The following ZMYND11 variants were observed in gnomAD, a reference collection of about 807,000 sequenced individuals.
ZMYND11 encodes zinc finger MYND domain-containing protein 11.
A neutral mutation model predicts 84.9 loss-of-function variants in ZMYND11; 9 were observed. That is an observed-to-expected ratio of 0.11 (90% CI 0.06 to 0.18). The LOEUF is 0.18. Among genes scored for constraint, ZMYND11 ranks in the 10% least tolerant of loss-of-function variants. The pLI, the probability that ZMYND11 is intolerant of heterozygous loss-of-function variation, is 1.00. For synonymous variants in ZMYND11, 250 were observed against 244.1 expected (o/e 1.02, Z -0.23); for missense variants, 409 against 761.0 (o/e 0.54, Z 5.44).
chr10:191,743 T>C, intron 2 of ZMYND11, among the ~76,000 whole-genome samples: 1 of 152,252 alleles, frequency 6.6e-6, no homozygotes, highest in East Asian at 1.9e-4. Flanking sequence ...GTAATTTCTC[T>C]ACCCGAATTC....
intron 2 of ZMYND11, among the ~76,000 whole-genome samples, chr10:184,506 C>T (rs1404414392): frequency 6.6e-6 from 1 of 152,060 alleles, no homozygotes; most frequent in Admixed American, 6.5e-5. Flanking sequence ...GACTTCATTT[C>T]TGAAGTGATT....
In ZMYND11 at chr10:142,301, C is replaced by A. The variant is rs112532225; in HGVS notation, c.-20+6742C>A. Among the ~76,000 whole-genome samples the A allele has an allele frequency of 1.3e-3, 191 of 152,264 alleles. 1 individual carries two copies. Among genetic ancestry groups the A allele is most frequent in the African/African-American group, 4.5e-3 (185 of 41,548 alleles). On this transcript the variant is annotated intron_variant, in intron 1 of 14. Coordinates refer to ENST00000381604, the MANE Select transcript of ZMYND11 (RefSeq NM_001370100.5). ...AGTGATGGGGTTTCACCATGTTACC[C>A]ACGCTGGTCCCAAACTCCTGAGCTC...
intron 4 of ZMYND11, among the ~76,000 whole-genome samples, chr10:221,895 A>G (rs1198653449): frequency 6.6e-6 from 1 of 152,150 alleles, no homozygotes; most frequent in African/African-American, 2.4e-5. Flanking sequence ...TTTTTAAAGT[A>G]AAATGAAATT....
At chr10:134,623 A>G (rs1245039766), upstream of ZMYND11, 1 of 152,152 alleles carries the variant, frequency 6.6e-6, no homozygotes, top group Non-Finnish European at 1.5e-5. Context: ...TACCTAAACA[A>G]TGTTGTTAAG....
Position 170,870 on chromosome 10 carries a change from A to G in ZMYND11, c.-19-9124A>G, listed in dbSNP as rs567592332. ...TTAATAATCACTTGAAATATGGCCT[A>G]AACACAGCCATTAAAAGACAGAGAT... On this transcript the variant is annotated intron_variant, in intron 1 of 14. Coordinates refer to ENST00000381604, the MANE Select transcript of ZMYND11 (RefSeq NM_001370100.5). Among the ~76,000 whole-genome samples, 4 of 152,248 alleles carry G rather than the reference A, an allele frequency of 2.6e-5. No homozygotes were observed. In the East Asian group the frequency reaches 5.8e-4, roughly 22 times the overall value.
At chr10:166,049 C>A (rs564672446) in intron 1 of ZMYND11, among the ~76,000 whole-genome samples, 2 of 152,144 alleles carry the variant, frequency 1.3e-5, no homozygotes, top group African/African-American at 4.8e-5. Context: ...AACTTGATTT[C>A]CACATGTACA....
At chr10:250,864 A>T (rs981272403) in intron 14 of ZMYND11, among the ~76,000 whole-genome samples, 4 of 152,120 alleles carry the variant, frequency 2.6e-5, no homozygotes, top group African/African-American at 7.2e-5. Flanking sequence ...CTCTACAAAA[A>T]ATACAAAAAT....
At chr10:241,099 T>C (rs1262587768) in intron 9 of ZMYND11, 129 bp downstream of exon 9, 1 of 605,654 alleles carries the variant, frequency 1.7e-6, no homozygotes, top group African/African-American at 1.9e-5. Context: ...TTAATGAGTA[T>C]AAACAACTGA....
chr10:166,736 C>T (rs1354740431), intron 1 of ZMYND11, among the ~76,000 whole-genome samples: 1 of 152,074 alleles, frequency 6.6e-6, no homozygotes, highest in Non-Finnish European at 1.5e-5. Context: ...GGCAATTCCA[C>T]TTCTGGGTAT....
At chr10:207,591 A>G (rs4411223) in intron 2 of ZMYND11, among the ~76,000 whole-genome samples, 144,088 of 152,200 alleles carry the variant, frequency 0.95, 68,507 homozygotes, top group Non-Finnish European at 0.99. Context: ...GATGGCAAGG[A>G]ATGTGAAGGA....
In ZMYND11 at chr10:209,883, G is replaced by A; in HGVS notation, c.117-6G>A. 6.2e-7 allele frequency: 1 copy of A among 1,605,058 alleles called. No individual in the cohort carries two copies. Among genetic ancestry groups the A allele is most frequent in the Non-Finnish European group, 8.5e-7 (1 of 1,175,550 alleles). On this transcript the variant is annotated splice_region_variant and splice_polypyrimidine_tract_variant and intron_variant, in intron 2 of 14. Coordinates refer to ENST00000381604, the MANE Select transcript of ZMYND11 (RefSeq NM_001370100.5). The stretch of plus-strand genomic sequence containing the variant: ...ATTTTTAAATTTGTTTTTCCTCTGT[G>A]TTCAGGTATATGTCTCGAGTCCACG...
chr10:241,953 A>AT, intron 9 of ZMYND11, 68 bp from the exon 10 acceptor site: 1 of 1,543,186 alleles, frequency 6.5e-7, no homozygotes, highest in Non-Finnish European at 8.9e-7. Context: ...GACTAGTTTA[A>AT]TATTAATGGT....
intron 1 of ZMYND11, among the ~76,000 whole-genome samples, chr10:146,351 G>T (rs1328732466): frequency 6.6e-6 from 1 of 152,150 alleles, no homozygotes; most frequent in Admixed American, 6.5e-5. Context: ...TTGGCTATTT[G>T]AGCCATTTTT....
At chr10:145,344 G>A (rs1462119781) in intron 1 of ZMYND11, among the ~76,000 whole-genome samples, 1 of 151,932 alleles carries the variant, frequency 6.6e-6, no homozygotes, top group African/African-American at 2.4e-5. Flanking sequence ...TGTGAATTGT[G>A]CCACAATAAA....
At chr10:163,093 C>A (rs1224063730) in intron 1 of ZMYND11, among the ~76,000 whole-genome samples, 1 of 152,108 alleles carries the variant, frequency 6.6e-6, no homozygotes, top group African/African-American at 2.4e-5. Context: ...ACTGAAATGT[C>A]TTTAGTCGGC....
At chr10:208,450 AAAAC>A (rs1227588797) in intron 2 of ZMYND11, among the ~76,000 whole-genome samples, 3 of 152,220 alleles carry the variant, frequency 2.0e-5, no homozygotes, top group Non-Finnish European at 4.4e-5. Context: ...TTACAAGAAA[AAAAC>A]AAATAACCCC....
chr10:182,883 C>A (rs924129977), intron 2 of ZMYND11, among the ~76,000 whole-genome samples: 7 of 152,074 alleles, frequency 4.6e-5, no homozygotes, highest in Non-Finnish European at 1.0e-4. Flanking sequence ...ACTTTTCAAG[C>A]CTTAGATTCA....
Position 243,572 on chromosome 10 carries a change from A to G in ZMYND11, c.950+1433A>G, listed in dbSNP as rs1263797873. Reference sequence around the variant, plus strand: ...ACTATGCAGAAAATATTTTTAAAGAATATTTGGGTTAGGCCAGGCACGGTG... The same window carrying G: ...ACTATGCAGAAAATATTTTTAAAGAGTATTTGGGTTAGGCCAGGCACGGTG... On this transcript the variant is annotated intron_variant, in intron 10 of 14. Coordinates refer to ENST00000381604, the MANE Select transcript of ZMYND11 (RefSeq NM_001370100.5). Among the ~76,000 whole-genome samples the G allele has an allele frequency of 2.6e-4, 40 of 152,170 alleles. 1 individual carries two copies. Among genetic ancestry groups the G allele is most frequent in the Admixed American group, 2.6e-3 (40 of 15,284 alleles).
intron 2 of ZMYND11, among the ~76,000 whole-genome samples, chr10:202,132 A>G (rs974050560): frequency 5.3e-5 from 8 of 152,158 alleles, no homozygotes; most frequent in African/African-American, 1.9e-4. Flanking sequence ...CATTTGAGGT[A>G]TTGTGTAAAT....
Sources: gnomAD v4.1 joint callset for allele counts (sites outside exome capture counted in the v4.1 genomes callset) on GRCh38, gnomAD v4.1.1 for gene constraint, MANE v1.5 for transcripts, NCBI Gene and HGNC (gene_info 2026-07-23, HGNC 2026-07-21) for gene names.